RAB8B: variants seen among roughly 807,000 people sequenced by gnomAD.
RAB8B encodes the protein RAB8B, member RAS oncogene family, also known as ras-related protein Rab-8B.
In RAB8B, 11 loss-of-function variants were observed where a neutral mutation model predicts 32.0. That is an observed-to-expected ratio of 0.34 (90% CI 0.22 to 0.57). The LOEUF (loss-of-function observed/expected upper bound fraction) is 0.57, where lower values mean the gene tolerates loss of function less well. Ranked by LOEUF, RAB8B falls within the 20% of genes least tolerant of loss-of-function variation. The probability of loss-of-function intolerance (pLI) is 0.86; values close to 1 mark genes in which losing one functional copy is unlikely to be tolerated. For synonymous variants in RAB8B, 103 were observed against 89.6 expected (o/e 1.15, Z -0.85); for missense variants, 190 against 258.5 (o/e 0.73, Z 1.82).
chr15:63,214,447 G>A (rs996097561), intron 1 of RAB8B, among the ~76,000 whole-genome samples: 2 of 151,516 alleles, frequency 1.3e-5, no homozygotes, highest in African/African-American at 2.4e-5. Context: ...AGGTGCCACC[G>A]TGCCTGGCTA....
At chr15:63,207,965 C>T (rs994603873) in intron 1 of RAB8B, among the ~76,000 whole-genome samples, 4 of 127,362 alleles carry the variant, frequency 3.1e-5, no homozygotes, top group African/African-American at 9.9e-5. Context: ...TGGACTTTGC[C>T]ATGTCCTTCT....
chr15:63,266,158 G>A lies in RAB8B; in HGVS notation c.*2539G>A, dbSNP rs2038245790. On this transcript the variant is annotated 3_prime_UTR_variant, in exon 8 of 8. Coordinates refer to ENST00000321437, the MANE Select transcript of RAB8B (RefSeq NM_016530.3). ...ATCTAGTTTTTTTGTGAACATTTTT[G>A]TGGTCTTATGGATAAGGTACATGAA... 6.6e-6 allele frequency: 1 copy of A among 152,506 alleles called. No homozygotes were observed. Among genetic ancestry groups the A allele is most frequent in the South Asian group, 2.1e-4 (1 of 4,834 alleles). 9.4% of individuals were successfully genotyped at this position (152,506 alleles called of 1,614,324 possible).
intron 7 of RAB8B, 95 bp from the exon 8 acceptor site, chr15:63,263,432 T>A: frequency 2.3e-6 from 2 of 884,402 alleles, no homozygotes; most frequent in Non-Finnish European, 3.6e-6. Context: ...AATACACATT[T>A]CACATGGTAT....
intron 1 of RAB8B, among the ~76,000 whole-genome samples, chr15:63,211,487 A>G (rs1284811476): frequency 6.6e-6 from 1 of 152,222 alleles, no homozygotes; most frequent in Non-Finnish European, 1.5e-5. Flanking sequence ...CCATTAGAAT[A>G]GGAAAGAATG....
chr15:63,261,646 G>T (rs567090503), intron 6 of RAB8B, among the ~76,000 whole-genome samples: 1 of 152,334 alleles, frequency 6.6e-6, no homozygotes, highest in South Asian at 2.1e-4. Context: ...TTAAATCAGT[G>T]TGGTTAGGCT....
intron 6 of RAB8B, among the ~76,000 whole-genome samples, chr15:63,261,907 ATTATG>A (rs1384331969): frequency 1.3e-5 from 2 of 152,242 alleles, no homozygotes; most frequent in African/African-American, 4.8e-5. Context: ...ATCAAGAGAC[ATTATG>A]GATAAATTAT....
chr15:63,235,557 C>T (rs1304048085), intron 1 of RAB8B, among the ~76,000 whole-genome samples: 1 of 151,766 alleles, frequency 6.6e-6, no homozygotes, highest in Admixed American at 6.6e-5. Flanking sequence ...CCCTATGAAT[C>T]CCTCCTCTTC....
intron 6 of RAB8B, among the ~76,000 whole-genome samples, chr15:63,261,095 G>A (rs1327214652): frequency 6.6e-6 from 1 of 152,104 alleles, no homozygotes; most frequent in African/African-American, 2.4e-5. Flanking sequence ...AATAATCCAA[G>A]TTAAAAATGG....
intron 1 of RAB8B, among the ~76,000 whole-genome samples, chr15:63,241,921 A>ATGCTGAGT (rs911730474): frequency 4.6e-5 from 7 of 151,958 alleles, no homozygotes; most frequent in Admixed American, 3.9e-4. Flanking sequence ...AGTAATATTT[A>ATGCTGAGT]TGCTGAGTTG....
intron 1 of RAB8B, among the ~76,000 whole-genome samples, chr15:63,229,520 G>A (rs959331004): frequency 2.6e-5 from 4 of 152,090 alleles, no homozygotes; most frequent in South Asian, 4.1e-4. Context: ...GGTGGCTCAC[G>A]CCTGTAATCC....
rs990519791 is a variant in RAB8B at position 63,267,278 on chromosome 15, T to C, written c.*3659T>C. 9.2e-5 allele frequency: 14 copies of C among 152,654 alleles called. No individual in the cohort carries two copies. The highest frequency in any genetic ancestry group is 3.4e-4 in the African/African-American group (14 of 41,462). 9.5% of individuals were successfully genotyped at this position (152,654 alleles called of 1,614,324 possible). A position where few individuals can be genotyped will look rare whatever the true frequency, so the allele number is the denominator to read the frequency against. ...ACAGAAATAAAAATTAGCAAACAATTATTCTAGGGATATTTTCAGATTTTA... is the reference window on the plus strand; with the variant it reads ...ACAGAAATAAAAATTAGCAAACAATCATTCTAGGGATATTTTCAGATTTTA... On this transcript the variant is annotated 3_prime_UTR_variant, in exon 8 of 8. Coordinates refer to ENST00000321437, the MANE Select transcript of RAB8B (RefSeq NM_016530.3).
Position 63,197,413 on chromosome 15 carries a change from G to A in RAB8B, c.124+7665G>A, listed in dbSNP as rs1272549. Among the ~76,000 whole-genome samples the A allele has an allele frequency of 8.4e-3, 838 of 99,352 alleles. 7 individuals are homozygous for A. The highest frequency in any genetic ancestry group is 0.023 in the Middle Eastern group (2 of 88). The allele number at this position is 99,352 out of a possible 152,430, so 65.2% of individuals were successfully genotyped here. A position where few individuals can be genotyped will look rare whatever the true frequency, so the allele number is the denominator to read the frequency against. ...TTTTAAGACAGAGTCTTGTTCTTTC[G>A]CCCAGGCTGGAATGTGTTGGTGCAA... On this transcript the variant is annotated intron_variant, in intron 1 of 7. Transcript: ENST00000321437.
intron 6 of RAB8B, among the ~76,000 whole-genome samples, chr15:63,261,177 G>A (rs1338933760): frequency 4.6e-5 from 7 of 152,100 alleles, no homozygotes; most frequent in African/African-American, 1.2e-4. Flanking sequence ...AAAAATTCCC[G>A]ACATCAGTAG....
chr15:63,228,607 C>A (rs532787846), intron 1 of RAB8B, among the ~76,000 whole-genome samples: 13 of 152,156 alleles, frequency 8.5e-5, no homozygotes, highest in Non-Finnish European at 1.6e-4. Context: ...ACTGGAACTG[C>A]AGTATTAGAG....
At chr15:63,258,369 C>T (rs1595751405) in intron 5 of RAB8B, among the ~76,000 whole-genome samples, 1 of 152,166 alleles carries the variant, frequency 6.6e-6, no homozygotes, top group Admixed American at 6.5e-5. Flanking sequence ...TCCCAAAGTG[C>T]TGGGATTACA....
At chr15:63,193,477 AT>A (rs1253266182) in intron 1 of RAB8B, among the ~76,000 whole-genome samples, 2 of 152,014 alleles carry the variant, frequency 1.3e-5, no homozygotes, top group African/African-American at 4.8e-5. Flanking sequence ...TGAAAATTGA[AT>A]TTTTTTTATT....
chr15:63,221,766 G>A (rs1322320136), intron 1 of RAB8B, among the ~76,000 whole-genome samples: 13 of 152,144 alleles, frequency 8.5e-5, no homozygotes, highest in Admixed American at 8.5e-4. Context: ...CGAATTAATA[G>A]TGGAAATGTC....
At chr15:63,189,853 C>A in intron 1 of RAB8B, 105 bp downstream of exon 1, 2 of 1,153,150 alleles carry the variant, frequency 1.7e-6, no homozygotes, top group South Asian at 3.8e-5. Context: ...GAGGAGACCC[C>A]GGGGACTGCA....
Position 63,213,223 on chromosome 15 carries a change from C to T in RAB8B, c.124+23475C>T, listed in dbSNP as rs143631747. Reference sequence around the variant, plus strand: ...GTAACTAAGTTATTACTAGATAATTCCTTTCTGACTTCTTCCTTCAAATAA... The same window carrying T: ...GTAACTAAGTTATTACTAGATAATTTCTTTCTGACTTCTTCCTTCAAATAA... On this transcript the variant is annotated intron_variant, in intron 1 of 7. Transcript: ENST00000321437. 1.7e-3 allele frequency among the ~76,000 whole-genome samples: 254 copies of T among 152,260 alleles called. 1 individual carries two copies. Among genetic ancestry groups the T allele is most frequent in the African/African-American group, 5.9e-3 (247 of 41,552 alleles).
Sources: gnomAD v4.1 joint callset for allele counts (sites outside exome capture counted in the v4.1 genomes callset) on GRCh38, gnomAD v4.1.1 for gene constraint, MANE v1.5 for transcripts, NCBI Gene and HGNC (gene_info 2026-07-23, HGNC 2026-07-21) for gene names.